STRN3: variants seen among roughly 807,000 people sequenced by gnomAD.
STRN3 encodes the protein striatin 3.
In STRN3, 29 loss-of-function variants were observed where a neutral mutation model predicts 95.6. The observed-to-expected ratio is 0.30, with a 90% CI of 0.23 to 0.41. The LOEUF (loss-of-function observed/expected upper bound fraction) is 0.41, where lower values mean the gene tolerates loss of function less well. STRN3 is among the 10% of genes least tolerant of loss of function. The probability of loss-of-function intolerance (pLI) is 1.00; values close to 1 mark genes in which losing one functional copy is unlikely to be tolerated. For synonymous variants in STRN3, 331 were observed against 357.6 expected, an observed-to-expected ratio of 0.93 and a Z score of 0.84; for missense variants, 890 against 972.1, an observed-to-expected ratio of 0.92 and a Z score of 1.12.
chr14:31,015,232 C>A (rs962302147), intron 1 of STRN3, among the ~76,000 whole-genome samples: 1 of 152,172 alleles, frequency 6.6e-6, no homozygotes, highest in Non-Finnish European at 1.5e-5. Context: ...TGACACAAAC[C>A]ATGCCACTGG....
intron 13 of STRN3, among the ~76,000 whole-genome samples, chr14:30,907,300 A>G (rs1896489693): frequency 6.6e-6 from 1 of 150,782 alleles, no homozygotes; most frequent in Non-Finnish European, 1.5e-5. Flanking sequence ...TTTTTAAAAC[A>G]GCTTTCTTGA....
At chr14:30,952,121 C>CAAA (rs147057592) in intron 3 of STRN3, among the ~76,000 whole-genome samples, 3,554 of 148,194 alleles carry the variant, frequency 0.024, 54 homozygotes, top group Non-Finnish European at 0.038. Context: ...CTGTCTTAAA[C>CAAA]AACAAAAAAA....
intron 9 of STRN3, among the ~76,000 whole-genome samples, chr14:30,915,003 T>C (rs1896701162): frequency 2.6e-5 from 4 of 152,210 alleles, no homozygotes; most frequent in Admixed American, 2.6e-4. Flanking sequence ...CAATATCATT[T>C]CAAATATGCT....
chr14:30,996,840 TGG>T (rs1882221810), intron 1 of STRN3, among the ~76,000 whole-genome samples: 1 of 89,480 alleles, frequency 1.1e-5, no homozygotes, highest in African/African-American at 4.3e-5. Flanking sequence ...CACTCAGGGC[TGG>T]GTGACAGAGC....
chr14:30,991,512 G>C (rs1368237943), intron 1 of STRN3, among the ~76,000 whole-genome samples: 1 of 152,132 alleles, frequency 6.6e-6, no homozygotes, highest in East Asian at 1.9e-4. Flanking sequence ...ATTTACACTT[G>C]CAGGCTCAAA....
chr14:31,006,258 T>G lies in STRN3; in HGVS notation c.282+19646A>C, dbSNP rs1185399160. ...CCATTATATAAAGGTAATACCACCC[T>G]TTAAAAGAAATCTAGGCTGGGTATG... On this transcript the variant is annotated intron_variant, in intron 1 of 17. Transcript: ENST00000357479. 2.0e-5 allele frequency among the ~76,000 whole-genome samples: 3 copies of G among 152,044 alleles called. No homozygotes were observed. In the East Asian group the frequency reaches 5.8e-4, roughly 29 times the overall value.
intron 16 of STRN3, among the ~76,000 whole-genome samples, chr14:30,898,376 T>A (rs1238728778): frequency 1.3e-5 from 2 of 152,166 alleles, no homozygotes; most frequent in Non-Finnish European, 2.9e-5. Flanking sequence ...AAGACTTTTT[T>A]CCAATACAAG....
chr14:30,898,861 G>C (rs969363268), intron 16 of STRN3, among the ~76,000 whole-genome samples: 40 of 152,156 alleles, frequency 2.6e-4, no homozygotes, highest in African/African-American at 8.2e-4. Flanking sequence ...AACACTGTGG[G>C]CCTCTATTAA....
intron 16 of STRN3, among the ~76,000 whole-genome samples, chr14:30,897,819 T>G (rs76340350): frequency 0.017 from 2,601 of 152,250 alleles, 60 homozygotes; most frequent in African/African-American, 0.06. Context: ...TAGTTCAACA[T>G]AATTTATCTT....
At chr14:30,949,908 A>C (rs758916556) in intron 4 of STRN3, among the ~76,000 whole-genome samples, 1 of 152,196 alleles carries the variant, frequency 6.6e-6, no homozygotes, top group Non-Finnish European at 1.5e-5. Flanking sequence ...CTATGAATAC[A>C]TAATAGTATT....
At chr14:30,901,744 A>G (rs754654810) in intron 16 of STRN3, among the ~76,000 whole-genome samples, 4 of 152,168 alleles carry the variant, frequency 2.6e-5, no homozygotes, top group Non-Finnish European at 5.9e-5. Context: ...CCACACATCT[A>G]TGGCTAAGTT....
At chr14:30,902,721 TA>T (rs1896358468) in intron 15 of STRN3, 78 bp from the exon 16 acceptor site, 1 of 917,334 alleles carries the variant, frequency 1.1e-6, no homozygotes, top group Non-Finnish European at 1.7e-6. Context: ...TTAATCGTGC[TA>T]AAATATAAAA....
At chr14:30,923,345 T>C (rs921825098) in intron 8 of STRN3, among the ~76,000 whole-genome samples, 1 of 152,150 alleles carries the variant, frequency 6.6e-6, no homozygotes, top group East Asian at 1.9e-4. Flanking sequence ...GAAAATGACT[T>C]GGGGGAGCTC....
chr14:31,011,699 G>C (rs1041361010), intron 1 of STRN3, among the ~76,000 whole-genome samples: 13 of 151,952 alleles, frequency 8.6e-5, no homozygotes, highest in African/African-American at 3.1e-4. Flanking sequence ...AATGACCAGG[G>C]AGCAGTTACA....
intron 5 of STRN3, among the ~76,000 whole-genome samples, chr14:30,937,949 C>T (rs1006181730): frequency 6.6e-6 from 1 of 152,100 alleles, no homozygotes; most frequent in South Asian, 2.1e-4. Flanking sequence ...ACATACCTCC[C>T]TATCATGCTG....
intron 1 of STRN3, 59 bp downstream of exon 1, chr14:31,025,845 C>T: frequency 6.4e-7 from 1 of 1,556,084 alleles, no homozygotes; most frequent in African/African-American, 1.4e-5. Context: ...TCCCCAGCCC[C>T]ACCCCCCGGC....
At chr14:30,911,710 G>C in intron 12 of STRN3, 67 bp downstream of exon 12, 7 of 1,402,866 alleles carry the variant, frequency 5.0e-6, no homozygotes, top group Non-Finnish European at 6.9e-6. Flanking sequence ...TACAAGGTTT[G>C]AGGACCGATA....
rs991349784 is a variant in STRN3 at position 30,950,890 on chromosome 14, C to T, written c.515G>A (p.Trp172Ter). 6.8e-6 allele frequency: 11 copies of T among 1,613,840 alleles called. No homozygotes were observed. The highest frequency in any genetic ancestry group is 8.5e-6 in the Non-Finnish European group (10 of 1,179,894). ...TCTTAAAAGCTGTCTGCCTTGCTTC[C>T]ACGTTAACTGGCTATTCTGAGGTGC... ...PTAPQNSQLT[W>*]KQGRQLLRQY... The change falls in exon 4 of 18, where the codon TGG becomes TAG. Residue 172 changes from tryptophan (W) to a stop codon, truncating the protein, a stop_gained. Transcript: ENST00000357479. LOFTEE classifies it high-confidence loss of function.
At chr14:30,989,265 C>T (rs985794843) in intron 1 of STRN3, among the ~76,000 whole-genome samples, 1 of 152,140 alleles carries the variant, frequency 6.6e-6, no homozygotes, top group African/African-American at 2.4e-5. Context: ...ACCTTCTTCA[C>T]CGTGAACTTC....
Sources: allele counts gnomAD v4.1 joint callset (sites outside exome capture counted in the v4.1 genomes callset), GRCh38; gene constraint gnomAD v4.1.1; transcripts MANE v1.5; gene names NCBI Gene and HGNC (gene_info 2026-07-23, HGNC 2026-07-21).